IFT56: variants seen among roughly 807,000 people sequenced by gnomAD.
IFT56 encodes intraflagellar transport protein 56.
the IFT56 span, chr7:139,142,365 C>CT: frequency 7.0e-7 from 1 of 1,420,156 alleles, no homozygotes; most frequent in Admixed American, 1.7e-5. Flanking sequence ...TTTCTTCCTT[C>CT]TTGTTACTAA....
the IFT56 span, among the ~76,000 whole-genome samples, chr7:139,141,414 C>T: frequency 2.0e-5 from 3 of 152,152 alleles, no homozygotes; most frequent in Non-Finnish European, 4.4e-5. Context: ...CAGCCACGCC[C>T]ACCACCATGC....
chr7:139,145,101 A>G, the IFT56 span, among the ~76,000 whole-genome samples: 116 of 152,320 alleles, frequency 7.6e-4, no homozygotes, highest in African/African-American at 2.6e-3. Flanking sequence ...GGGCAAATCA[A>G]CTGATACCTG....
chr7:139,147,263 T>A, the IFT56 span: 1 of 1,612,650 alleles, frequency 6.2e-7, no homozygotes, highest in East Asian at 2.2e-5. Context: ...GCTATAGATA[T>A]ATATAAGCGA....
the IFT56 span, among the ~76,000 whole-genome samples, chr7:139,182,791 T>C: frequency 2.6e-5 from 4 of 151,916 alleles, no homozygotes; most frequent in Admixed American, 6.6e-5. Flanking sequence ...AGGAAAACAA[T>C]GAGGACAGGA....
At chr7:139,134,552 G>A in the IFT56 span, 2 of 1,314,956 alleles carry the variant, frequency 1.5e-6, no homozygotes, top group Non-Finnish European at 2.0e-6. Flanking sequence ...ACAGGCATGA[G>A]CCACTGTGCC....
At chr7:139,145,154 C>T in the IFT56 span, among the ~76,000 whole-genome samples, 4 of 152,136 alleles carry the variant, frequency 2.6e-5, no homozygotes, top group Non-Finnish European at 5.9e-5. Context: ...TTCCATTTTA[C>T]CTCTGTTTCT....
chr7:139,179,562 C>T, the IFT56 span: 2 of 1,612,660 alleles, frequency 1.2e-6, no homozygotes, highest in Admixed American at 1.7e-5. Flanking sequence ...CCTTTCTTTC[C>T]TCTTCTTGCA....
At chr7:139,177,611 A>AGTGTGTGTGT in the IFT56 span, among the ~76,000 whole-genome samples, 7,098 of 148,512 alleles carry the variant, frequency 0.048, 216 homozygotes, top group East Asian at 0.091. Flanking sequence ...ATATATATAT[A>AGTGTGTGTGT]GTGTGTGTGT....
At chr7:139,171,045 A>G in the IFT56 span, among the ~76,000 whole-genome samples, 16 of 152,336 alleles carry the variant, frequency 1.1e-4, no homozygotes, top group East Asian at 1.9e-4. Flanking sequence ...TGGCATTTCT[A>G]TATGCCAACA....
the IFT56 span, among the ~76,000 whole-genome samples, chr7:139,169,112 A>T: frequency 1.3e-5 from 2 of 152,240 alleles, no homozygotes; most frequent in Non-Finnish European, 2.9e-5. Context: ...CTGTCCCTGC[A>T]CAGGTTTTAA....
the IFT56 span, among the ~76,000 whole-genome samples, chr7:139,175,895 T>C: frequency 6.6e-6 from 1 of 152,154 alleles, no homozygotes; most frequent in Non-Finnish European, 1.5e-5. Context: ...GGTGGCATGA[T>C]TTCGGCTCAC....
the IFT56 span, chr7:139,138,014 A>G: frequency 1.2e-6 from 1 of 863,744 alleles, no homozygotes; most frequent in Non-Finnish European, 1.8e-6. Context: ...ATAATAATAC[A>G]TATTCATGGT....
chr7:139,146,715 C>T, the IFT56 span, among the ~76,000 whole-genome samples: 2 of 141,958 alleles, frequency 1.4e-5, no homozygotes, highest in South Asian at 2.2e-4. Flanking sequence ...TGCAGTGAGC[C>T]GAGATCGTGC....
chr7:139,148,035 C>T, the IFT56 span, among the ~76,000 whole-genome samples: 7 of 152,180 alleles, frequency 4.6e-5, no homozygotes, highest in African/African-American at 1.7e-4. Context: ...TATCAAAACA[C>T]CCAAATATTG....
the IFT56 span, among the ~76,000 whole-genome samples, chr7:139,154,530 G>C: frequency 3.3e-5 from 5 of 152,102 alleles, no homozygotes; most frequent in African/African-American, 7.2e-5. Context: ...TGAGGTAAAA[G>C]TCCAACTTTA....
the IFT56 span, among the ~76,000 whole-genome samples, chr7:139,139,419 G>C: frequency 6.6e-6 from 1 of 152,166 alleles, no homozygotes; most frequent in Non-Finnish European, 1.5e-5. Flanking sequence ...GTCTTAGAAA[G>C]TGTCCTTGGC....
the IFT56 span, chr7:139,166,797 T>C: frequency 2.5e-6 from 3 of 1,198,676 alleles, no homozygotes. Flanking sequence ...TCAGGAGGGT[T>C]TTCTGGAATA....
chr7:139,152,056 C>T, the IFT56 span, among the ~76,000 whole-genome samples: 1 of 152,098 alleles, frequency 6.6e-6, no homozygotes, highest in African/African-American at 2.4e-5. Context: ...AGTGAGACTC[C>T]ATCTCAAAAA....
At chr7:139,142,482 C>T in the IFT56 span, among the ~76,000 whole-genome samples, 1 of 152,202 alleles carries the variant, frequency 6.6e-6, no homozygotes, top group South Asian at 2.1e-4. Flanking sequence ...ATGTTCTTTA[C>T]CTACTGCATT....
Sources: allele counts gnomAD v4.1 joint callset (sites outside exome capture counted in the v4.1 genomes callset), GRCh38; gene constraint gnomAD v4.1.1; transcripts MANE v1.5; gene names NCBI Gene and HGNC (gene_info 2026-07-23, HGNC 2026-07-21).